Variants in CSPP1 observed in about 807,000 individuals in gnomAD.
The protein encoded by CSPP1 is centrosome and spindle pole associated protein 1, also known as centrosome and spindle pole-associated protein 1.
CSPP1 carries 126 observed loss-of-function variants against 164.4 expected under a neutral mutation model. That is an observed-to-expected ratio of 0.77 (90% CI 0.66 to 0.89). The LOEUF (loss-of-function observed/expected upper bound fraction) is 0.89, where lower values mean the gene tolerates loss of function less well. CSPP1 is among the 40% of genes least tolerant of loss of function. The pLI is 0.00. For synonymous variants in CSPP1, 472 were observed against 476.7 expected (o/e 0.99, Z 0.13); for missense variants, 1,395 against 1,449.8 (o/e 0.96, Z 0.61).
At chr8:67,072,296 A>G (rs954659588) in intron 1 of CSPP1, among the ~76,000 whole-genome samples, 1 of 152,136 alleles carries the variant, frequency 6.6e-6, no homozygotes, top group African/African-American at 2.4e-5. Flanking sequence ...TCAAAAAAAA[A>G]AAAGATTTTT....
At chr8:67,087,292 T>C (rs1207898267) in intron 4 of CSPP1, among the ~76,000 whole-genome samples, 1 of 152,208 alleles carries the variant, frequency 6.6e-6, no homozygotes, top group African/African-American at 2.4e-5. Flanking sequence ...TGTCCATTTA[T>C]ATTGGAAAAC....
intron 19 of CSPP1, among the ~76,000 whole-genome samples, chr8:67,155,245 C>T (rs1379402734): frequency 6.6e-6 from 1 of 152,174 alleles, no homozygotes; most frequent in Non-Finnish European, 1.5e-5. Context: ...ACTTAGATAC[C>T]AGTGTCAGAT....
rs376223446 is a variant in CSPP1 at position 67,067,858 on chromosome 8, T to C, written c.-11+3320T>C. Among the ~76,000 whole-genome samples, 12 of 151,806 alleles carry C rather than the reference T, an allele frequency of 7.9e-5. No homozygotes were observed. In the South Asian group the frequency reaches 1.5e-3, roughly 18 times the overall value. On this transcript the variant is annotated intron_variant, in intron 1 of 30. Coordinates refer to ENST00000678616, the MANE Select transcript of CSPP1 (RefSeq NM_001382391.1). ...AAGAATTGATCTGTTGATTTCTTTTTTTTTTTTTTTTGACAGAGTATTGCT... is the reference window on the plus strand; with the variant it reads ...AAGAATTGATCTGTTGATTTCTTTTCTTTTTTTTTTTGACAGAGTATTGCT...
chr8:67,159,367 A>ATTC (rs1306735535), intron 21 of CSPP1, among the ~76,000 whole-genome samples: 5 of 152,032 alleles, frequency 3.3e-5, no homozygotes, highest in Admixed American at 2.6e-4. Flanking sequence ...TACTTGAGCC[A>ATTC]TTCTTAGTCT....
intron 15 of CSPP1, among the ~76,000 whole-genome samples, chr8:67,126,855 T>G (rs985249366): frequency 3.3e-5 from 5 of 152,160 alleles, no homozygotes; most frequent in South Asian, 2.1e-4. Flanking sequence ...TACTGCTGAT[T>G]GTTTTCTACA....
chr8:67,136,187 A>G (rs1025838865), intron 16 of CSPP1, among the ~76,000 whole-genome samples: 4 of 152,348 alleles, frequency 2.6e-5, no homozygotes, highest in African/African-American at 9.6e-5. Context: ...AATGTGACAC[A>G]GAGACATGAA....
intron 1 of CSPP1, among the ~76,000 whole-genome samples, chr8:67,068,682 C>T (rs544886119): frequency 2.0e-5 from 3 of 152,266 alleles, no homozygotes; most frequent in East Asian, 3.9e-4. Context: ...AGAAAAGTGG[C>T]CGTGATATCT....
chr8:67,104,226 A>AT (rs973670773), intron 8 of CSPP1, among the ~76,000 whole-genome samples: 9 of 144,554 alleles, frequency 6.2e-5, no homozygotes, highest in African/African-American at 1.3e-4. Context: ...TCCTTTGAGG[A>AT]TTTTTTTCCC....
chr8:67,112,657 G>C (rs1213380468), intron 10 of CSPP1, among the ~76,000 whole-genome samples: 1 of 151,900 alleles, frequency 6.6e-6, no homozygotes, highest in South Asian at 2.1e-4. Flanking sequence ...TCCTCTCTAC[G>C]TCTGACCTGG....
At chr8:67,158,327 T>A in intron 19 of CSPP1, 120 bp from the exon 20 acceptor site, 1 of 1,129,840 alleles carries the variant, frequency 8.9e-7, no homozygotes, top group Non-Finnish European at 1.2e-6. Context: ...GACTGAAAAA[T>A]TTAGGAACAT....
chr8:67,175,279 CAT>C lies in CSPP1; in HGVS notation c.2969-14_2969-13del. ...AACAACATTTAACTTAGTTATATAA[CAT>C]ATTTTTTATACCAGATTCAGAAACA... On this transcript the variant is annotated splice_polypyrimidine_tract_variant and intron_variant, in intron 25 of 30. Coordinates refer to ENST00000678616, the MANE Select transcript of CSPP1 (RefSeq NM_001382391.1). 3.2e-6 allele frequency: 5 copies of C among 1,587,208 alleles called. No homozygotes were observed. The highest frequency in any genetic ancestry group is 4.3e-6 in the Non-Finnish European group (5 of 1,161,072).
intron 16 of CSPP1, chr8:67,134,421 TC>T (rs1821825128): frequency 2.1e-5 from 3 of 146,262 alleles, no homozygotes; most frequent in African/African-American, 8.2e-5. Context: ...GAAAGGAATC[TC>T]TTTTTTTTAG....
At chr8:67,115,782 T>A in intron 12 of CSPP1, 132 bp from the exon 13 acceptor site, 1 of 608,832 alleles carries the variant, frequency 1.6e-6, no homozygotes, top group Non-Finnish European at 2.9e-6. Context: ...ATTCAGAGTC[T>A]TTTATAGCTG....
At chr8:67,069,548 T>A (rs1806274026) in intron 1 of CSPP1, among the ~76,000 whole-genome samples, 1 of 151,928 alleles carries the variant, frequency 6.6e-6, no homozygotes, top group Non-Finnish European at 1.5e-5. Context: ...ATGAACATGT[T>A]AAATTAATAA....
At chr8:67,073,130 C>T (rs1486929102) in intron 1 of CSPP1, among the ~76,000 whole-genome samples, 2 of 152,052 alleles carry the variant, frequency 1.3e-5, no homozygotes, top group Non-Finnish European at 2.9e-5. Flanking sequence ...ATTGTCATTA[C>T]AACCCACATA....
chr8:67,064,369 A>C (rs941021146), upstream of CSPP1: 1 of 1,606,958 alleles, frequency 6.2e-7, no homozygotes, highest in African/African-American at 1.3e-5. Flanking sequence ...GCTGGGCCTG[A>C]GGGGCGGAGC....
In CSPP1 at chr8:67,159,937, C is replaced by CTTTT. The variant is rs1178857364; in HGVS notation, c.2538+800_2538+801insTTTT. ...CTTTCTTTCTTTCCTTTCCTTCCTT[C>CTTTT]CTTCCTTCCTTCCTTCCTTCTTTCT... is the stretch of plus-strand genomic sequence containing the variant. On this transcript the variant is annotated intron_variant, in intron 21 of 30. Coordinates refer to ENST00000678616, the MANE Select transcript of CSPP1 (RefSeq NM_001382391.1). Among the ~76,000 whole-genome samples the CTTTT allele has an allele frequency of 1.1e-3, 49 of 46,554 alleles. 1 individual carries two copies. The highest frequency in any genetic ancestry group is 2.5e-3 in the East Asian group (4 of 1,592). 30.5% of individuals were successfully genotyped at this position (46,554 alleles called of 152,430 possible).
chr8:67,105,928 A>C lies in CSPP1; in HGVS notation c.1046A>C (p.Lys349Thr). Residue 349 changes from lysine to threonine, a missense_variant, in exon 9 of 31, where the codon AAA (lysine) becomes ACA (threonine). By Grantham distance (78) the Lys-to-Thr change is moderately conservative. Transcript: ENST00000678616. Reference sequence around the variant, plus strand: ...AGTGCTCCAGACAATGAAACATCCAAATCTGCTAATCAAGATACCTGTAGT... The same window carrying C: ...AGTGCTCCAGACAATGAAACATCCACATCTGCTAATCAAGATACCTGTAGT... ...NKSAPDNETSKSANQDTCSPF... is the reference protein window; with the variant it reads ...NKSAPDNETSTSANQDTCSPF... 2.5e-6 allele frequency: 4 copies of C among 1,589,968 alleles called. No individual in the cohort carries two copies. The South Asian group carries it at 4.4e-5, about 18-fold the overall frequency.
chr8:67,079,104 C>T (rs1808594076), intron 3 of CSPP1, among the ~76,000 whole-genome samples: 1 of 152,154 alleles, frequency 6.6e-6, no homozygotes, highest in Non-Finnish European at 1.5e-5. Context: ...GGTGTTACTT[C>T]GGCCTCTGAC....
Sources: allele counts gnomAD v4.1 joint callset (sites outside exome capture counted in the v4.1 genomes callset), GRCh38; gene constraint gnomAD v4.1.1; transcripts MANE v1.5; gene names NCBI Gene and HGNC (gene_info 2026-07-23, HGNC 2026-07-21).